Variants in P2RY4 observed in about 807,000 individuals in gnomAD.
P2RY4 encodes P2Y purinoceptor 4.
For missense variants in P2RY4, 291 were observed against 308.5 expected, an observed-to-expected ratio of 0.94 and a Z score of 0.42; for synonymous variants, 121 against 131.6, an observed-to-expected ratio of 0.92 and a Z score of 0.55.
Position 70,259,157 on chromosome X carries a change from G to A in P2RY4, c.468C>T (p.Cys156=). 8.2e-7 allele frequency: 1 copy of A among 1,212,382 alleles called. No individual in the cohort carries two copies. The change falls in exon 1 of 1, where the codon TGC becomes TGT. Residue 156 remains cysteine, a synonymous_variant. Coordinates refer to ENST00000374519, the MANE Select transcript of P2RY4 (RefSeq NM_002565.4). ...WGRPRLAGLL[C]LAVWLVVAGC... ...CGGCTACGACCAACCAAACTGCCAG[G>A]CAGAGAAGGCCTGCGAGGCGAGGGC...
Position 70,260,109 on chromosome X carries a change from T to C in P2RY4, c.-485A>G, listed in dbSNP as rs899523953. 4.5e-5 allele frequency among the ~76,000 whole-genome samples: 5 copies of C among 111,882 alleles called. No homozygotes were observed. Among genetic ancestry groups the C allele is most frequent in the South Asian group, 3.8e-4 (1 of 2,662 alleles). ...TACCTATGACACCTTCCCCACTGCC[T>C]GCCTACAGCCCAGGAGCCCCATTGC... On this transcript the variant is annotated 5_prime_UTR_variant, in exon 1 of 1. Transcript: ENST00000374519.
At position 70,258,838 on chromosome X, in the gene P2RY4, T is replaced by C. The variant is rs2085581171; in HGVS notation, c.787A>G (p.Ile263Val). ...GCCAGGTAGTAAATGGTGCGGGTGA[T>C]GTGGAAAGGCACGAAGCAGACAGCA... ...VFAVCFVPFH[I>V]TRTIYYLARL... is the part of the protein sequence containing the mutation. The change falls in exon 1 of 1, where the codon ATC becomes GTC. Residue 263 changes from isoleucine (I) to valine (V), a missense_variant. Coordinates refer to ENST00000374519, the MANE Select transcript of P2RY4 (RefSeq NM_002565.4). 8.3e-7 allele frequency: 1 copy of C among 1,209,960 alleles called. No individual in the cohort carries two copies. The highest frequency in any genetic ancestry group is 1.7e-5 in the African/African-American group (1 of 57,270).
chrX:70,258,641 G>A lies in P2RY4; in HGVS notation c.984C>T (p.Pro328=). 1 of 1,212,119 alleles carries A rather than the reference G, an allele frequency of 8.3e-7. No homozygotes were observed. The highest frequency in any genetic ancestry group is 1.1e-6 in the Non-Finnish European group (1 of 895,489). Residue 328 remains proline (P), a synonymous_variant, in exon 1 of 1, where the codon CCC becomes CCT. Transcript: ENST00000374519. ...RQLCGGGKPQ[P]RTAASSLALV... ...GTGCCAGGGAAGAGGCAGCCGTGCG[G>A]GGCTGGGGCTTGCCACCACCACAGA...
Position 70,259,176 on chromosome X carries a change from C to A in P2RY4, c.449G>T (p.Arg150Leu). The A allele has an allele frequency of 8.3e-7, 1 of 1,211,959 alleles. No individual in the cohort carries two copies. Among genetic ancestry groups the A allele is most frequent in the South Asian group, 1.8e-5 (1 of 57,008 alleles). ...TGCCAGGCAGAGAAGGCCTGCGAGG[C>A]GAGGGCGGCCCCAGCGTAGTGCCCG... ...PLRALRWGRP[R>L]LAGLLCLAVW... is the part of the protein sequence containing the mutation. Residue 150 changes from arginine to leucine, a missense_variant, in exon 1 of 1, where the codon CGC (arginine) becomes CTC (leucine). Arg to Leu is a moderately radical substitution (Grantham distance 102, BLOSUM62 -2). Transcript: ENST00000374519.
chrX:70,258,817 G>C lies in P2RY4; in HGVS notation c.808C>G (p.Leu270Val). ...CAGTCAGCTTCCAACAGCCTGGCCA[G>C]GTAGTAAATGGTGCGGGTGATGTGG... ...PFHITRTIYY[L>V]ARLLEADCRV... The change falls in exon 1 of 1, where the codon CTG (leucine) becomes GTG (valine). Residue 270 changes from leucine (L) to valine (V), a missense_variant. Transcript: ENST00000374519. The C allele has an allele frequency of 1.7e-6, 2 of 1,211,734 alleles. No individual in the cohort carries two copies. The highest frequency in any genetic ancestry group is 2.2e-6 in the Non-Finnish European group (2 of 895,263).
Position 70,259,008 on chromosome X carries a change from C to G in P2RY4, c.617G>C (p.Gly206Ala), listed in dbSNP as rs139221311. ...HYVHFSSAVM[G>A]LLFGVPCLVT... ...CAGGCAGGGCACGCCAAAGAGCAGCCCCATGACCGCCGAGCTGAAGTGCAC... is the reference window on the plus strand; with the variant it reads ...CAGGCAGGGCACGCCAAAGAGCAGCGCCATGACCGCCGAGCTGAAGTGCAC... The change falls in exon 1 of 1, where the codon GGG becomes GCG. Residue 206 changes from glycine to alanine, a missense_variant. By Grantham distance (60) the Gly-to-Ala change is moderately conservative. Transcript: ENST00000374519. 1 of 1,210,185 alleles carries G rather than the reference C, an allele frequency of 8.3e-7. No individual in the cohort carries two copies. Among genetic ancestry groups the G allele is most frequent in the African/African-American group, 1.7e-5 (1 of 57,295 alleles).
chrX:70,258,524 G>C lies in P2RY4; in HGVS notation c.*3C>G. 1 of 1,179,894 alleles carries C rather than the reference G, an allele frequency of 8.5e-7. No homozygotes were observed. The highest frequency in any genetic ancestry group is 1.8e-5 in the African/African-American group (1 of 57,002). On this transcript the variant is annotated 3_prime_UTR_variant, in exon 1 of 1. Transcript: ENST00000374519. ...CTTTTCTCTCACTTCCCGGCTTCCCGTGTTACAATCTATCTGCCCTAGGAG... is the reference window on the plus strand; with the variant it reads ...CTTTTCTCTCACTTCCCGGCTTCCCCTGTTACAATCTATCTGCCCTAGGAG...
rs1173022567 is a variant in P2RY4 at position 70,259,403 on chromosome X, C to A, written c.222G>T (p.Met74Ile). Residue 74 changes from methionine (M) to isoleucine (I), a missense_variant, in exon 1 of 1, where the codon ATG becomes ATT. Coordinates refer to ENST00000374519, the MANE Select transcript of P2RY4 (RefSeq NM_002565.4). ...AGGTGTCTGACAATGCCAGGTGGAACATGTAGGTGGCCGTTGCATCCCAGG... is the reference window on the plus strand; with the variant it reads ...AGGTGTCTGACAATGCCAGGTGGAAAATGTAGGTGGCCGTTGCATCCCAGG... The part of the protein sequence containing the change: ...LRPWDATATY[M>I]FHLALSDTLY... 6 of 1,211,843 alleles carry A rather than the reference C, an allele frequency of 5.0e-6. No homozygotes were observed. Among genetic ancestry groups the A allele is most frequent in the Non-Finnish European group, 6.7e-6 (6 of 895,392 alleles).
In P2RY4 at chrX:70,258,221, A is replaced by C; in HGVS notation, c.*306T>G. Reference sequence around the variant, plus strand: ...ACATGCTATAGGAGGCTGTGGGGGAAATGGGACAGGGAAAGAGGACTGGGG... The same window carrying C: ...ACATGCTATAGGAGGCTGTGGGGGACATGGGACAGGGAAAGAGGACTGGGG... On this transcript the variant is annotated 3_prime_UTR_variant, in exon 1 of 1. Transcript: ENST00000374519. 4.0e-6 allele frequency: 1 copy of C among 250,140 alleles called. No homozygotes were observed. The highest frequency in any genetic ancestry group is 7.1e-6 in the Non-Finnish European group (1 of 140,511). 20.6% of individuals were successfully genotyped at this position (250,140 alleles called of 1,213,427 possible).
Position 70,258,451 on chromosome X carries a change from A to G in P2RY4, c.*76T>C. The G allele has an allele frequency of 9.6e-7, 1 of 1,045,595 alleles. No homozygotes were observed. Among genetic ancestry groups the G allele is most frequent in the South Asian group, 2.2e-5 (1 of 44,809 alleles). 86.2% of individuals were successfully genotyped at this position (1,045,595 alleles called of 1,213,427 possible). ...CCTGGAAAAGAGGAAGAAGCACCTT[A>G]CCAGGTATCACTATTGGGTTCCCTC... On this transcript the variant is annotated 3_prime_UTR_variant, in exon 1 of 1. Transcript: ENST00000374519.
chrX:70,258,229 A>C lies in P2RY4; in HGVS notation c.*298T>G. On this transcript the variant is annotated 3_prime_UTR_variant, in exon 1 of 1. Transcript: ENST00000374519. The stretch of plus-strand genomic sequence containing the variant: ...TAGGAGGCTGTGGGGGAAATGGGAC[A>C]GGGAAAGAGGACTGGGGAAGATTTT... 1 of 267,052 alleles carries C rather than the reference A, an allele frequency of 3.7e-6. No individual in the cohort carries two copies. Among genetic ancestry groups the C allele is most frequent in the Non-Finnish European group, 6.6e-6 (1 of 151,015 alleles). The allele number at this position is 267,052 out of a possible 1,213,427, so 22.0% of individuals were successfully genotyped here.
chrX:70,259,348 A>G lies in P2RY4; in HGVS notation c.277T>C (p.Tyr93His). Residue 93 changes from tyrosine to histidine, a missense_variant, in exon 1 of 1, where the codon TAC becomes CAC. Transcript: ENST00000374519. Reference protein sequence around the residue: ...LYVLSLPTLIYYYAAHNHWPF... With the variant: ...LYVLSLPTLIHYYAAHNHWPF... ...CAGTGGTTGTGGGCTGCATAATAGT[A>G]GATGAGGGTGGGCAGCGACAGCACA... The G allele has an allele frequency of 2.5e-6, 3 of 1,212,162 alleles. No individual in the cohort carries two copies. Among genetic ancestry groups the G allele is most frequent in the Non-Finnish European group, 3.4e-6 (3 of 895,474 alleles).
rs2085580572 is a variant in P2RY4 at position 70,258,756 on chromosome X, A to C, written c.869T>G (p.Val290Gly). The change falls in exon 1 of 1, where the codon GTG (valine) becomes GGG (glycine). Residue 290 changes from valine (V) to glycine (G), a missense_variant. Physicochemically the swap from Val to Gly is moderately radical, Grantham distance 109. Coordinates refer to ENST00000374519, the MANE Select transcript of P2RY4 (RefSeq NM_002565.4). ...GTTGGCACTGGCCAGGGGCCGAGTCACTTTATAGACCACGTTGACAATGTT... is the reference window on the plus strand; with the variant it reads ...GTTGGCACTGGCCAGGGGCCGAGTCCCTTTATAGACCACGTTGACAATGTT... ...VLNIVNVVYK[V>G]TRPLASANSC... 4.1e-6 allele frequency: 5 copies of C among 1,212,014 alleles called. No homozygotes were observed. The highest frequency in any genetic ancestry group is 5.6e-6 in the Non-Finnish European group (5 of 895,468).
Position 70,258,478 on chromosome X carries a change from C to G in P2RY4, c.*49G>C, listed in dbSNP as rs1475295845. ...CAGGTATCACTATTGGGTTCCCTCA[C>G]CTCTGCCCTGCACTCATCCCCTTTT... On this transcript the variant is annotated 3_prime_UTR_variant, in exon 1 of 1. Coordinates refer to ENST00000374519, the MANE Select transcript of P2RY4 (RefSeq NM_002565.4). 2.6e-6 allele frequency: 3 copies of G among 1,140,892 alleles called. No homozygotes were observed. In the African/African-American group the frequency reaches 5.5e-5, roughly 21 times the overall value. 94.0% of individuals were successfully genotyped at this position (1,140,892 alleles called of 1,213,427 possible). A position where few individuals can be genotyped will look rare whatever the true frequency, so the allele number is the denominator to read the frequency against.
chrX:70,258,596 A>G lies in P2RY4; in HGVS notation c.1029T>C (p.Asp343=). 8.3e-7 allele frequency: 1 copy of G among 1,211,247 alleles called. No individual in the cohort carries two copies. Among genetic ancestry groups the G allele is most frequent in the South Asian group, 1.8e-5 (1 of 56,921 alleles). Residue 343 remains aspartate (D), a synonymous_variant, in exon 1 of 1, where the codon GAT becomes GAC. Transcript: ENST00000374519. ...SSLALVSLPE[D]SSCRWAATPQ... is the part of the protein sequence containing the mutation. ...GGGTGGCCGCCCACCTGCAGCTGCTATCCTCAGGCAGGGACACTAGTGCCA... is the reference window on the plus strand; with the variant it reads ...GGGTGGCCGCCCACCTGCAGCTGCTGTCCTCAGGCAGGGACACTAGTGCCA...
Position 70,259,707 on chromosome X carries a change from A to T in P2RY4, c.-83T>A. Reference sequence around the variant, plus strand: ...CCCATCCCTGAGCTGGAGCAAAAAAAGTAGAGCAGGGAGAGCAGTGGTTGA... The same window carrying T: ...CCCATCCCTGAGCTGGAGCAAAAAATGTAGAGCAGGGAGAGCAGTGGTTGA... On this transcript the variant is annotated 5_prime_UTR_variant, in exon 1 of 1. Coordinates refer to ENST00000374519, the MANE Select transcript of P2RY4 (RefSeq NM_002565.4). 1 of 942,115 alleles carries T rather than the reference A, an allele frequency of 1.1e-6. No individual in the cohort carries two copies. The highest frequency in any genetic ancestry group is 1.4e-6 in the Non-Finnish European group (1 of 695,335). The allele number at this position is 942,115 out of a possible 1,213,427, so 77.6% of individuals were successfully genotyped here.
At position 70,258,597 on chromosome X, in the gene P2RY4, T is replaced by C. The variant is rs767448903; in HGVS notation, c.1028A>G (p.Asp343Gly). The C allele has an allele frequency of 5.0e-6, 6 of 1,211,515 alleles. No individual in the cohort carries two copies. In the South Asian group the frequency reaches 1.1e-4, roughly 21 times the overall value. Residue 343 changes from aspartate (D) to glycine (G), a missense_variant, in exon 1 of 1, where the codon GAT (aspartate) becomes GGT (glycine). Physicochemically the swap from Asp to Gly is moderately conservative, Grantham distance 94. Transcript: ENST00000374519. ...SSLALVSLPE[D>G]SSCRWAATPQ... ...GGTGGCCGCCCACCTGCAGCTGCTATCCTCAGGCAGGGACACTAGTGCCAG... is the reference window on the plus strand; with the variant it reads ...GGTGGCCGCCCACCTGCAGCTGCTACCCTCAGGCAGGGACACTAGTGCCAG...
In P2RY4 at chrX:70,259,172, G is replaced by A. The variant is rs781111215; in HGVS notation, c.453C>T (p.Leu151=). ...LRALRWGRPR[L]AGLLCLAVWL... Reference sequence around the variant, plus strand: ...AAACTGCCAGGCAGAGAAGGCCTGCGAGGCGAGGGCGGCCCCAGCGTAGTG... The same window carrying A: ...AAACTGCCAGGCAGAGAAGGCCTGCAAGGCGAGGGCGGCCCCAGCGTAGTG... Residue 151 remains leucine (L), a synonymous_variant, in exon 1 of 1, where the codon CTC becomes CTT. Coordinates refer to ENST00000374519, the MANE Select transcript of P2RY4 (RefSeq NM_002565.4). 4.2e-5 allele frequency: 51 copies of A among 1,210,975 alleles called. No homozygotes were observed. The highest frequency in any genetic ancestry group is 8.8e-5 in the South Asian group (5 of 56,905).
In P2RY4 at chrX:70,258,417, T is replaced by C; in HGVS notation, c.*110A>G. 1 of 930,604 alleles carries C rather than the reference T, an allele frequency of 1.1e-6. No individual in the cohort carries two copies. The allele number at this position is 930,604 out of a possible 1,213,427, so 76.7% of individuals were successfully genotyped here. On this transcript the variant is annotated 3_prime_UTR_variant, in exon 1 of 1. Transcript: ENST00000374519. ...CTGCAACCCTCAGGGTGAGGGCTTCTCTCCAGAGCCTGGAAAAGAGGAAGA... is the reference window on the plus strand; with the variant it reads ...CTGCAACCCTCAGGGTGAGGGCTTCCCTCCAGAGCCTGGAAAAGAGGAAGA...
Sources: allele counts gnomAD v4.1 joint callset (sites outside exome capture counted in the v4.1 genomes callset), GRCh38; gene constraint gnomAD v4.1.1; transcripts MANE v1.5; gene names NCBI Gene and HGNC (gene_info 2026-07-23, HGNC 2026-07-21).